The following RELL1 variants were observed in gnomAD, a reference collection of about 807,000 sequenced individuals.
RELL1 encodes RELT like 1, also known as RELT-like protein 1.
Under a neutral mutation model 23.0 loss-of-function variants are expected in RELL1, and 10 were observed. That is an observed-to-expected ratio of 0.43 (90% CI 0.27 to 0.74). The LOEUF is 0.74. Ranked by LOEUF, RELL1 falls within the 30% of genes least tolerant of loss-of-function variation. The pLI is 0.19. For synonymous variants in RELL1, 146 were observed against 146.8 expected (o/e 0.99, Z 0.04); for missense variants, 315 against 364.4 (o/e 0.86, Z 1.10).
At chr4:37,586,473 C>T (rs1718345547), downstream of RELL1, among the ~76,000 whole-genome samples, 1 of 152,116 alleles carries the variant, frequency 6.6e-6, no homozygotes, top group Non-Finnish European at 1.5e-5. Context: ...CACGGCTGGT[C>T]CGAGGGACTC....
chr4:37,642,636 G>C (rs1720567796), intron 3 of RELL1, among the ~76,000 whole-genome samples: 1 of 152,144 alleles, frequency 6.6e-6, no homozygotes, highest in African/African-American at 2.4e-5. Context: ...AGCACCTTTT[G>C]ATCACACCTG....
intron 1 of RELL1, among the ~76,000 whole-genome samples, chr4:37,678,541 A>T (rs1381493624): frequency 6.6e-6 from 1 of 152,110 alleles, no homozygotes; most frequent in Non-Finnish European, 1.5e-5. Context: ...TCTGCCCTTT[A>T]CACAACCAGC....
intron 1 of RELL1, among the ~76,000 whole-genome samples, chr4:37,652,010 G>C (rs1406171519): frequency 6.6e-6 from 1 of 152,214 alleles, no homozygotes; most frequent in African/African-American, 2.4e-5. Context: ...GTCGAGGCTG[G>C]GGCAGAGCGT....
intron 2 of RELL1, among the ~76,000 whole-genome samples, chr4:37,648,719 AATAAAC>A (rs1560345932): frequency 6.6e-6 from 1 of 152,212 alleles, no homozygotes; most frequent in Admixed American, 6.5e-5. Flanking sequence ...TCGTTTACTT[AATAAAC>A]ATAAATTCCA....
At chr4:37,657,988 A>G (rs1196835138) in intron 1 of RELL1, among the ~76,000 whole-genome samples, 2 of 152,148 alleles carry the variant, frequency 1.3e-5, no homozygotes, top group Admixed American at 6.5e-5. Flanking sequence ...ATGTACCTGC[A>G]GTCCCAACTA....
At chr4:37,649,149 C>G in intron 2 of RELL1, 127 bp downstream of exon 2, 1 of 788,906 alleles carries the variant, frequency 1.3e-6, no homozygotes, top group Non-Finnish European at 2.1e-6. Context: ...TCTGCACTTA[C>G]ACTACACTGC....
Position 37,669,937 on chromosome 4 carries a change from G to A in RELL1, c.88+16263C>T, listed in dbSNP as rs942886471. Among the ~76,000 whole-genome samples the A allele has an allele frequency of 2.3e-4, 35 of 151,398 alleles. 1 individual carries two copies. Among genetic ancestry groups the A allele is most frequent in the Admixed American group, 2.2e-3 (33 of 15,204 alleles). ...GGGTCCTCTGCCTAGGAAAACCAGA[G>A]ACCTTTGTTCACTTGTTTATCTGCT... On this transcript the variant is annotated intron_variant, in intron 1 of 6. Transcript: ENST00000454158.
At chr4:37,636,890 C>T (rs1488732114) in intron 4 of RELL1, among the ~76,000 whole-genome samples, 1 of 152,268 alleles carries the variant, frequency 6.6e-6, no homozygotes, top group Non-Finnish European at 1.5e-5. Context: ...GTAGAGCCTA[C>T]GGTTGAGGAG....
At chr4:37,657,325 C>T (rs763448236) in intron 1 of RELL1, among the ~76,000 whole-genome samples, 38 of 152,178 alleles carry the variant, frequency 2.5e-4, no homozygotes, top group Non-Finnish European at 3.1e-4. Context: ...AACAGAGACA[C>T]TGAGCTCATT....
chr4:37,589,039 T>A, downstream of RELL1: 1 of 617,230 alleles, frequency 1.6e-6, no homozygotes, highest in Non-Finnish European at 2.9e-6. Flanking sequence ...GAGTTTGGAA[T>A]TGTTATAATA....
intron 1 of RELL1, among the ~76,000 whole-genome samples, chr4:37,668,783 C>T (rs1474830130): frequency 7.5e-6 from 1 of 133,614 alleles, no homozygotes; most frequent in Non-Finnish European, 1.5e-5. Context: ...GCGCCTCTTC[C>T]CGGCCGCCAC....
downstream of RELL1, among the ~76,000 whole-genome samples, chr4:37,610,477 G>T (rs79608153): frequency 9.5e-4 from 145 of 152,068 alleles, 2 homozygotes; most frequent in East Asian, 0.024. This position sits in a 1 kb window ranked among gnomAD's most constrained non-coding sequence, Gnocchi z 4.1. Flanking sequence ...CTGCAGGAGG[G>T]GAAATCTCAT....
intron 1 of RELL1, among the ~76,000 whole-genome samples, chr4:37,669,092 T>C (rs865942494): frequency 0.014 from 1,239 of 89,120 alleles, 93 homozygotes; most frequent in African/African-American, 0.054. Flanking sequence ...CCGCCCCGTC[T>C]GGGAGGTGAG....
chr4:37,606,496 G>A (rs1187803465), downstream of RELL1, among the ~76,000 whole-genome samples: 2 of 152,204 alleles, frequency 1.3e-5, no homozygotes, highest in African/African-American at 4.8e-5. The surrounding 1 kb of genome is among the most constrained non-coding windows in gnomAD (Gnocchi z 4.1). Flanking sequence ...ATCAAGTTAA[G>A]ATAAAGTCAT....
At chr4:37,619,937 T>A (rs1719713231) in intron 6 of RELL1, among the ~76,000 whole-genome samples, 1 of 152,170 alleles carries the variant, frequency 6.6e-6, no homozygotes, top group Non-Finnish European at 1.5e-5. Context: ...CAAAAAGTGA[T>A]CTCAGTTTGG....
At chr4:37,614,713 G>A (rs1719518507) in intron 6 of RELL1, among the ~76,000 whole-genome samples, 1 of 151,526 alleles carries the variant, frequency 6.6e-6, no homozygotes, top group Admixed American at 6.6e-5. Flanking sequence ...AATTTTCCAG[G>A]CAAAACCTTA....
rs147554929 is a variant in RELL1 at position 37,612,338 on chromosome 4, AC to A, written c.*1007del. On this transcript the variant is annotated 3_prime_UTR_variant, in exon 7 of 7. Transcript: ENST00000454158. Reference sequence around the variant, plus strand: ...GCTAAAGGTTAAAAAAAAAAAAAAAACAAAAAAAAACAAAAAACCGGGTGCA... The same window carrying A: ...GCTAAAGGTTAAAAAAAAAAAAAAAAAAAAAAAAACAAAAAACCGGGTGCA... Among the ~76,000 whole-genome samples the A allele has an allele frequency of 0.46, 20,798 of 45,234 alleles. 2,514 individuals carry two copies. The highest frequency in any genetic ancestry group is 0.52 in the African/African-American group (12,682 of 24,306). The allele number at this position is 45,234 out of a possible 152,430, so 29.7% of individuals were successfully genotyped here.
intron 4 of RELL1, among the ~76,000 whole-genome samples, chr4:37,637,379 C>T (rs569976888): frequency 6.6e-6 from 1 of 152,350 alleles, no homozygotes; most frequent in African/African-American, 2.4e-5. Context: ...AAAGATCCAG[C>T]CCCTTTGCCA....
intron 6 of RELL1, among the ~76,000 whole-genome samples, chr4:37,603,971 A>G (rs962352565): frequency 6.6e-6 from 1 of 152,190 alleles, no homozygotes; most frequent in South Asian, 2.1e-4. Flanking sequence ...GGCACGGGCC[A>G]TCATGCTCGG....
Sources: allele counts gnomAD v4.1 joint callset (sites outside exome capture counted in the v4.1 genomes callset), GRCh38; gene constraint gnomAD v4.1.1; non-coding constraint Gnocchi (gnomAD v3.1); transcripts MANE v1.5; gene names NCBI Gene and HGNC (gene_info 2026-07-23, HGNC 2026-07-21).